Variants in ACSS3 observed in about 807,000 individuals in gnomAD.
The protein encoded by ACSS3 is acyl-CoA synthetase short chain family member 3.
Under a neutral mutation model 84.2 loss-of-function variants are expected in ACSS3, and 64 were observed. The ratio of observed to expected loss-of-function variants is 0.76; its 90% CI spans 0.62 to 0.94. The LOEUF (loss-of-function observed/expected upper bound fraction) is 0.94. Ranked by LOEUF, ACSS3 falls within the 40% of genes least tolerant of loss-of-function variation. The pLI is 0.00. For missense variants in ACSS3, 815 were observed against 867.6 expected, an observed-to-expected ratio of 0.94 and a Z score of 0.76; for synonymous variants, 317 against 310.1, an observed-to-expected ratio of 1.02 and a Z score of -0.23.
chr12:81,078,554 C>T (rs1880768876), intron 1 of ACSS3, 123 bp downstream of exon 1: 1 of 1,040,910 alleles, frequency 9.6e-7, no homozygotes, highest in African/African-American at 1.6e-5. Flanking sequence ...GAGATGTGTT[C>T]AGACCCCTCA....
chr12:81,125,011 G>A (rs1051265329), intron 2 of ACSS3, among the ~76,000 whole-genome samples: 5 of 152,114 alleles, frequency 3.3e-5, no homozygotes, highest in African/African-American at 4.8e-5. Context: ...TCAGGAGATC[G>A]AAACCATCCT....
At chr12:81,145,015 C>G (rs35193082) in intron 5 of ACSS3, among the ~76,000 whole-genome samples, 50,339 of 147,152 alleles carry the variant, frequency 0.34, 11,027 homozygotes, top group Non-Finnish European at 0.49. Flanking sequence ...ATTCTCGTGC[C>G]TTAGCCCCCC....
At chr12:81,144,063 G>C (rs1886212331) in intron 5 of ACSS3, among the ~76,000 whole-genome samples, 1 of 152,108 alleles carries the variant, frequency 6.6e-6, no homozygotes, top group African/African-American at 2.4e-5. Flanking sequence ...GAGGACAGTG[G>C]CTTCTTTATT....
intron 8 of ACSS3, among the ~76,000 whole-genome samples, chr12:81,183,595 A>T (rs561545828): frequency 6.6e-6 from 1 of 152,112 alleles, no homozygotes; most frequent in Non-Finnish European, 1.5e-5. Context: ...GAAAGTAAAA[A>T]GATGGAAGGG....
rs190128052 is a variant in ACSS3, at chr12:81,164,918, G to A, written c.1099-9870G>A. ...TTCTGCTAACTAGTATATTCAACTG[G>A]ACACATCATAGTCCTTTTCTTCCCT... On this transcript the variant is annotated intron_variant, in intron 7 of 15. Coordinates refer to ENST00000548058, the MANE Select transcript of ACSS3 (RefSeq NM_024560.4). 3.9e-4 allele frequency among the ~76,000 whole-genome samples: 59 copies of A among 152,084 alleles called. No individual in the cohort carries two copies. In the Middle Eastern group the frequency reaches 0.017, roughly 44 times the overall value.
intron 7 of ACSS3, among the ~76,000 whole-genome samples, chr12:81,166,688 A>T (rs986998786): frequency 1.3e-5 from 2 of 152,202 alleles, no homozygotes; most frequent in African/African-American, 4.8e-5. Context: ...AGCCCCTTTT[A>T]TGAGGGCAAT....
intron 8 of ACSS3, among the ~76,000 whole-genome samples, chr12:81,186,514 G>A (rs1008732407): frequency 6.6e-5 from 10 of 151,620 alleles, no homozygotes; most frequent in African/African-American, 2.4e-4. Flanking sequence ...TTCAATCGTG[G>A]AAAAACTAAT....
intron 12 of ACSS3, 141 bp downstream of exon 12, chr12:81,231,279 G>T: frequency 1.6e-6 from 1 of 612,586 alleles, no homozygotes; most frequent in Middle Eastern, 4.5e-4. Flanking sequence ...AGCTCCCAGG[G>T]ATAAGAATGC....
intron 13 of ACSS3, among the ~76,000 whole-genome samples, chr12:81,247,162 C>T (rs1289783483): frequency 6.6e-6 from 1 of 152,054 alleles, no homozygotes; most frequent in Non-Finnish European, 1.5e-5. Context: ...ATTTTTACTT[C>T]ATGTCTTTTG....
rs76122003 is a variant in ACSS3, at chr12:81,207,128, C to G, written c.1354+7684C>G. ...TATCTGTTCTAATTCTCCTCCTACT[C>G]TGGGCAAGGATCACGTATAAACCAT... On this transcript the variant is annotated intron_variant, in intron 9 of 15. Transcript: ENST00000548058. Among the ~76,000 whole-genome samples, 265 of 152,198 alleles carry G rather than the reference C, an allele frequency of 1.7e-3. 2 individuals carry two copies. Among genetic ancestry groups the G allele is most frequent in the African/African-American group, 5.9e-3 (246 of 41,546 alleles).
intron 13 of ACSS3, among the ~76,000 whole-genome samples, chr12:81,248,098 G>A (rs781671788): frequency 2.2e-4 from 34 of 151,946 alleles, no homozygotes; most frequent in Admixed American, 7.2e-4. Flanking sequence ...ACTCATACAC[G>A]GTTAGTAGGA....
intron 1 of ACSS3, among the ~76,000 whole-genome samples, chr12:81,109,134 T>G (rs969504697): frequency 2.0e-5 from 3 of 152,196 alleles, no homozygotes; most frequent in African/African-American, 7.2e-5. Flanking sequence ...AATTTTTCGG[T>G]AAGTTTTTCT....
At chr12:81,184,842 T>C (rs1221735038) in intron 8 of ACSS3, among the ~76,000 whole-genome samples, 2 of 151,770 alleles carry the variant, frequency 1.3e-5, no homozygotes, top group Admixed American at 1.3e-4. Flanking sequence ...TCTAAAACTC[T>C]TCTGAAAAAT....
chr12:81,216,871 T>G, intron 9 of ACSS3, 30 bp from the exon 10 acceptor site: 1 of 1,564,584 alleles, frequency 6.4e-7, no homozygotes, highest in Non-Finnish European at 8.8e-7. Flanking sequence ...AGTTAAAACA[T>G]GAAGTGATAA....
chr12:81,120,680 G>T (rs1884512807), intron 2 of ACSS3, among the ~76,000 whole-genome samples: 1 of 152,052 alleles, frequency 6.6e-6, no homozygotes, highest in South Asian at 2.1e-4. Context: ...AATTCATTTG[G>T]AAGTTTTATG....
chr12:81,078,557 A>T (rs1880769274), intron 1 of ACSS3, 126 bp downstream of exon 1: 2 of 1,020,866 alleles, frequency 2.0e-6, no homozygotes, highest in Non-Finnish European at 2.9e-6. Context: ...ATGTGTTCAG[A>T]CCCCTCAATT....
chr12:81,171,855 G>A (rs2030072766), intron 7 of ACSS3, among the ~76,000 whole-genome samples: 1 of 152,080 alleles, frequency 6.6e-6, no homozygotes, highest in African/African-American at 2.4e-5. Context: ...CTACATAGCA[G>A]GGCTACATGG....
intron 4 of ACSS3, among the ~76,000 whole-genome samples, chr12:81,139,640 T>C (rs1885987063): frequency 9.0e-6 from 1 of 110,554 alleles, no homozygotes; most frequent in African/African-American, 3.0e-5. Context: ...ATAATAATTA[T>C]TGTTATTTTT....
chr12:81,199,660 G>T (rs1304137878), intron 9 of ACSS3: 1 of 1,470,106 alleles, frequency 6.8e-7, no homozygotes, highest in East Asian at 2.8e-5. Flanking sequence ...TGGTCCCTAG[G>T]TATAAAGCAC....
Sources: allele counts gnomAD v4.1 joint callset (sites outside exome capture counted in the v4.1 genomes callset), GRCh38; gene constraint gnomAD v4.1.1; transcripts MANE v1.5; gene names NCBI Gene and HGNC (gene_info 2026-07-23, HGNC 2026-07-21).